RBL2: variants seen among roughly 807,000 people sequenced by gnomAD.
RBL2 encodes the protein RB transcriptional corepressor like 2, also known as retinoblastoma-like protein 2.
Under a neutral mutation model 126.0 loss-of-function variants are expected in RBL2, and 56 were observed. The ratio of observed to expected loss-of-function variants is 0.44; its 90% CI spans 0.36 to 0.56. RBL2 has a LOEUF of 0.56. Ranked by LOEUF, RBL2 falls within the 20% of genes least tolerant of loss-of-function variation. RBL2 has a pLI of 0.00. For synonymous variants in RBL2, 454 were observed against 478.5 expected, an observed-to-expected ratio of 0.95 and a Z score of 0.67; for missense variants, 1,229 against 1,398.2, an observed-to-expected ratio of 0.88 and a Z score of 1.93.
intron 12 of RBL2, chr16:53,464,886 TG>T (rs2058257315): frequency 6.6e-6 from 1 of 152,452 alleles, no homozygotes; most frequent in Admixed American, 6.6e-5. Context: ...CTCCACCTCC[TG>T]GGTTCACGCC....
At chr16:53,463,307 C>T (rs1192254676) in intron 11 of RBL2, among the ~76,000 whole-genome samples, 2 of 152,110 alleles carry the variant, frequency 1.3e-5, no homozygotes, top group African/African-American at 4.8e-5. Context: ...AGCCAGTCAC[C>T]TGCCTGCCTG....
At chr16:53,468,119 C>G (rs1304141293) in intron 14 of RBL2, among the ~76,000 whole-genome samples, 1 of 152,160 alleles carries the variant, frequency 6.6e-6, no homozygotes, top group African/African-American at 2.4e-5. Context: ...TTTTAAAGAG[C>G]AATTCAGTAA....
In RBL2 at chr16:53,451,611, T is replaced by C. The variant is rs2058115426; in HGVS notation, c.638-92T>C. On this transcript the variant is annotated intron_variant, in intron 4 of 21. Transcript: ENST00000262133. ...AATGAGTCAATTTTGTACAATTGTT[T>C]TGTAATGTCATAATAAGTAAAGGAA... 6 of 1,393,252 alleles carry C rather than the reference T, an allele frequency of 4.3e-6. No individual in the cohort carries two copies. In the Admixed American group the frequency reaches 1.2e-4, roughly 28 times the overall value. 86.3% of individuals were successfully genotyped at this position (1,393,252 alleles called of 1,614,324 possible). A position where few individuals can be genotyped will look rare whatever the true frequency, so the allele number is the denominator to read the frequency against.
At chr16:53,444,064 C>T (rs931890105) in intron 3 of RBL2, among the ~76,000 whole-genome samples, 2 of 151,962 alleles carry the variant, frequency 1.3e-5, no homozygotes, top group Non-Finnish European at 2.9e-5. Context: ...GCCTGGCCAA[C>T]GTGGCAAAAC....
At chr16:53,443,836 C>A (rs2058037857) in intron 3 of RBL2, among the ~76,000 whole-genome samples, 1 of 151,720 alleles carries the variant, frequency 6.6e-6, no homozygotes, top group Non-Finnish European at 1.5e-5. Flanking sequence ...AATGACAAAC[C>A]AGGAGGAAAA....
intron 14 of RBL2, among the ~76,000 whole-genome samples, chr16:53,468,803 T>A (rs2058293729): frequency 6.6e-6 from 1 of 152,164 alleles, no homozygotes; most frequent in East Asian, 1.9e-4. Flanking sequence ...CTCTTAGAAG[T>A]GGACACAGAA....
rs2160293 is a variant in RBL2, at chr16:53,481,514, A to G, written c.3085-157A>G. The G allele has an allele frequency of 2.0e-3, 1,326 of 655,680 alleles. 13 individuals are homozygous for G. The African/African-American group carries it at 0.022, about 11-fold the overall frequency. The allele number at this position is 655,680 out of a possible 1,614,324, so 40.6% of individuals were successfully genotyped here. The stretch of plus-strand genomic sequence containing the variant: ...ACAAACTAAGCACTTAAGGTTTGCT[A>G]TTAGAATATTTTTCTTTAGGTTAAG... On this transcript the variant is annotated intron_variant, in intron 20 of 21. Transcript: ENST00000262133.
At chr16:53,468,008 G>A (rs2058287470) in intron 14 of RBL2, among the ~76,000 whole-genome samples, 1 of 152,154 alleles carries the variant, frequency 6.6e-6, no homozygotes, top group Non-Finnish European at 1.5e-5. Context: ...ATACAGAAAA[G>A]GGCAGTTTTG....
At chr16:53,434,927 C>T (rs1407759555) in intron 1 of RBL2, 131 bp downstream of exon 1, 2 of 1,329,810 alleles carry the variant, frequency 1.5e-6, no homozygotes, top group Non-Finnish European at 2.0e-6. Context: ...TGGGGACTTC[C>T]TCTGCGCTAT....
chr16:53,453,852 A>G lies in RBL2; in HGVS notation c.992+83A>G, dbSNP rs2058140085. On this transcript the variant is annotated intron_variant, in intron 7 of 21. Coordinates refer to ENST00000262133, the MANE Select transcript of RBL2 (RefSeq NM_005611.4). The stretch of plus-strand genomic sequence containing the variant: ...AGAAGTTAGTGTTTTTATTGTTTGT[A>G]CTCTGGAAACTGAGAATATGTTTTG... 4 of 1,186,828 alleles carry G rather than the reference A, an allele frequency of 3.4e-6. No homozygotes were observed. In the East Asian group the frequency reaches 7.7e-5, roughly 23 times the overall value. The allele number at this position is 1,186,828 out of a possible 1,614,324, so 73.5% of individuals were successfully genotyped here.
intron 21 of RBL2, among the ~76,000 whole-genome samples, chr16:53,482,461 T>G (rs1960991220): frequency 6.6e-6 from 1 of 152,202 alleles, no homozygotes; most frequent in South Asian, 2.1e-4. Context: ...CATGCTATGT[T>G]AGCGAGTGGA....
chr16:53,462,647 G>A lies in RBL2; in HGVS notation c.1552G>A (p.Asp518Asn), dbSNP rs751815905. ...GGAACAAAAAAGACTAGGAGACATG[G>A]ATTTATCTGTGAGTAAAATAACCAA... The part of the protein sequence containing the change: ...EQEQKRLGDM[D>N]LSGILEQDAF... Residue 518 changes from aspartate to asparagine, a missense_variant, in exon 11 of 22, where the codon GAT (aspartate) becomes AAT (asparagine). Asp to Asn is a conservative substitution (Grantham distance 23). Transcript: ENST00000262133. 1 of 1,527,120 alleles carries A rather than the reference G, an allele frequency of 6.5e-7. No homozygotes were observed. Among genetic ancestry groups the A allele is most frequent in the Non-Finnish European group, 8.9e-7 (1 of 1,127,772 alleles). The allele number at this position is 1,527,120 out of a possible 1,614,324, so 94.6% of individuals were successfully genotyped here.
At chr16:53,486,928 G>A (rs1258742077) in intron 21 of RBL2, among the ~76,000 whole-genome samples, 1 of 152,132 alleles carries the variant, frequency 6.6e-6, no homozygotes, top group Non-Finnish European at 1.5e-5. Context: ...ACAATCAGAA[G>A]TAAAATAAAA....
At chr16:53,490,064 C>G in intron 21 of RBL2, 66 bp from the exon 22 acceptor site, 1 of 1,256,500 alleles carries the variant, frequency 8.0e-7, no homozygotes, top group Non-Finnish European at 1.1e-6. Flanking sequence ...ATTTGAGATT[C>G]TTTGACTTAA....
intron 21 of RBL2, chr16:53,489,360 T>G (rs1287487267): frequency 6.6e-6 from 1 of 152,246 alleles, no homozygotes; most frequent in Non-Finnish European, 1.5e-5. Context: ...GTGAATTTGC[T>G]TAGTATGCTT....
intron 21 of RBL2, chr16:53,489,061 A>T (rs1400402357): frequency 2.8e-5 from 1 of 36,088 alleles, no homozygotes. Flanking sequence ...TTGTTAATTA[A>T]AAAAAAAAAA....
intron 11 of RBL2, 32 bp downstream of exon 11, chr16:53,462,687 C>A (rs753160435): frequency 1.5e-6 from 2 of 1,311,636 alleles, no homozygotes; most frequent in Non-Finnish European, 2.1e-6. Context: ...TTGATCAGCG[C>A]AATGAAACAT....
chr16:53,478,722 A>G (rs1960827773), intron 17 of RBL2, among the ~76,000 whole-genome samples: 1 of 152,178 alleles, frequency 6.6e-6, no homozygotes, highest in East Asian at 1.9e-4. Context: ...CCCAGGTTCA[A>G]GTGATTCTCC....
At chr16:53,488,824 G>T (rs969697349) in intron 21 of RBL2, 6 of 152,246 alleles carry the variant, frequency 3.9e-5, no homozygotes, top group African/African-American at 1.4e-4. Flanking sequence ...AAATATTCAA[G>T]CAAATGGGAG....
Sources: gnomAD v4.1 joint callset for allele counts (sites outside exome capture counted in the v4.1 genomes callset) on GRCh38, gnomAD v4.1.1 for gene constraint, MANE v1.5 for transcripts, NCBI Gene and HGNC (gene_info 2026-07-23, HGNC 2026-07-21) for gene names.